The following HIGD1A variants were observed in gnomAD, a reference collection of about 807,000 sequenced individuals.
The protein encoded by HIGD1A is HIG1 domain family member 1A, mitochondrial.
HIGD1A carries 8 observed loss-of-function variants against 11.3 expected under a neutral mutation model. The ratio of observed to expected loss-of-function variants is 0.71; its 90% CI spans 0.42 to 1.28. The LOEUF (loss-of-function observed/expected upper bound fraction) is 1.28. Among genes scored for constraint, HIGD1A ranks in the 50% most tolerant of loss-of-function variants. The pLI, the probability that HIGD1A is intolerant of heterozygous loss-of-function variation, is 0.01. For synonymous variants in HIGD1A, 32 were observed against 38.4 expected, an observed-to-expected ratio of 0.83 and a Z score of 0.62; for missense variants, 107 against 118.8, an observed-to-expected ratio of 0.90 and a Z score of 0.46.
At chr3:42,800,411 T>C (rs757214162) in intron 1 of HIGD1A, among the ~76,000 whole-genome samples, 1 of 151,968 alleles carries the variant, frequency 6.6e-6, no homozygotes, top group South Asian at 2.1e-4. Context: ...CACAAATCCT[T>C]TCATTTCCCT....
At position 42,794,202 on chromosome 3, in the gene HIGD1A, A is replaced by G. The variant is rs770972566; in HGVS notation, c.52T>C (p.Ser18Pro). Residue 18 changes from serine (S) to proline (P), a missense_variant, in exon 2 of 4, where the codon TCA becomes CCA. Ser to Pro is a moderately conservative substitution (Grantham distance 74, BLOSUM62 -1). Transcript: ENST00000321331. ...SLPSYEEDQG[S>P]KLIRKAKEAP... is the part of the protein sequence containing the mutation. ...TCTTTAGCTTTTCGAATGAGTTTTG[A>G]TCCCTGATCTTCCTCATATGAAGGA... 6.2e-7 allele frequency: 1 copy of G among 1,605,716 alleles called. No homozygotes were observed. Among genetic ancestry groups the G allele is most frequent in the South Asian group, 1.1e-5 (1 of 88,806 alleles).
chr3:42,789,560 C>T (rs1700394531), intron 2 of HIGD1A, among the ~76,000 whole-genome samples: 1 of 41,034 alleles, frequency 2.4e-5, no homozygotes, highest in Non-Finnish European at 5.5e-5. Context: ...GGAAGAACAT[C>T]CAAGAACAAA....
chr3:42,787,594 A>AAAAAAAATATATAT (rs1383516264), intron 2 of HIGD1A, among the ~76,000 whole-genome samples: 1 of 141,256 alleles, frequency 7.1e-6, no homozygotes, highest in Admixed American at 7.5e-5. Flanking sequence ...CCATCTCAAA[A>AAAAAAAATATATAT]ATATATATAT....
At chr3:42,803,970 T>C (rs1469439234) in intron 1 of HIGD1A, among the ~76,000 whole-genome samples, 1 of 152,216 alleles carries the variant, frequency 6.6e-6, no homozygotes, top group Non-Finnish European at 1.5e-5. Flanking sequence ...CCTCTCTTCC[T>C]GTGACCTTGT....
At position 42,785,171 on chromosome 3, in the gene HIGD1A, A is replaced by T. The variant is rs1700334601; in HGVS notation, c.*100T>A. On this transcript the variant is annotated 3_prime_UTR_variant, in exon 4 of 4. Transcript: ENST00000321331. ...AAATGCCATGTTACCATCTAAACCC[A>T]TACAAATTAGTTTATTTCCAACAAT... 5 of 935,572 alleles carry T rather than the reference A, an allele frequency of 5.3e-6. No homozygotes were observed. The East Asian group carries it at 9.6e-5, about 18-fold the overall frequency. 58.0% of individuals were successfully genotyped at this position (935,572 alleles called of 1,614,324 possible). A position where few individuals can be genotyped will look rare whatever the true frequency, so the allele number is the denominator to read the frequency against.
intron 2 of HIGD1A, among the ~76,000 whole-genome samples, chr3:42,788,283 T>TA (rs1433667920): frequency 2.6e-5 from 4 of 152,224 alleles, no homozygotes; most frequent in African/African-American, 9.6e-5. Context: ...CTTTGCCAAT[T>TA]AAATTTGAAA....
At chr3:42,803,231 T>C (rs1308121513) in intron 1 of HIGD1A, among the ~76,000 whole-genome samples, 1 of 152,196 alleles carries the variant, frequency 6.6e-6, no homozygotes. Flanking sequence ...ACTGAAGACC[T>C]TTCCACAGGG....
chr3:42,793,526 G>A (rs1349044043), intron 2 of HIGD1A, among the ~76,000 whole-genome samples: 2 of 152,186 alleles, frequency 1.3e-5, no homozygotes, highest in African/African-American at 4.8e-5. Context: ...CATTCTATAT[G>A]TCTTTGTTGA....
At chr3:42,789,777 A>G (rs1700397826) in intron 2 of HIGD1A, among the ~76,000 whole-genome samples, 1 of 152,056 alleles carries the variant, frequency 6.6e-6, no homozygotes. Flanking sequence ...CCCAGGCTGT[A>G]GTGGCATGAT....
chr3:42,802,426 GAATAA>G (rs1010423558), intron 1 of HIGD1A, among the ~76,000 whole-genome samples: 181 of 152,204 alleles, frequency 1.2e-3, no homozygotes, highest in African/African-American at 4.1e-3. Flanking sequence ...GTACATTTCA[GAATAA>G]AATTAGTAAG....
intron 2 of HIGD1A, 134 bp from the exon 3 acceptor site, chr3:42,786,296 G>T: frequency 9.6e-7 from 1 of 1,039,410 alleles, no homozygotes; most frequent in Non-Finnish European, 1.4e-6. Flanking sequence ...TACAAATTGA[G>T]TTTTTCATGT....
intron 2 of HIGD1A, among the ~76,000 whole-genome samples, chr3:42,792,863 T>C (rs901309319): frequency 2.0e-5 from 3 of 151,412 alleles, no homozygotes; most frequent in African/African-American, 4.9e-5. Flanking sequence ...GCACCTATAA[T>C]TCTAGCTACT....
chr3:42,799,626 T>C (rs535640403), intron 1 of HIGD1A, among the ~76,000 whole-genome samples: 2,354 of 152,118 alleles, frequency 0.015, 26 homozygotes, highest in Non-Finnish European at 0.025. Context: ...TTTTTTTTTT[T>C]TGTATTTTTA....
At chr3:42,801,031 A>T (rs1700552803) in intron 1 of HIGD1A, among the ~76,000 whole-genome samples, 4 of 152,026 alleles carry the variant, frequency 2.6e-5, no homozygotes, top group Admixed American at 2.6e-4. Context: ...GAGGTTTTTT[A>T]CTACTGCTGA....
At chr3:42,800,563 TCCC>T (rs1190769986) in intron 1 of HIGD1A, among the ~76,000 whole-genome samples, 2 of 151,360 alleles carry the variant, frequency 1.3e-5, no homozygotes, top group Non-Finnish European at 2.9e-5. Flanking sequence ...AGCTAACTCC[TCCC>T]ATTTTTTTTT....
intron 1 of HIGD1A, 151 bp downstream of exon 1, chr3:42,804,285 C>T (rs1191076165): frequency 1.6e-6 from 2 of 1,255,956 alleles, no homozygotes; most frequent in Non-Finnish European, 2.2e-6. Flanking sequence ...GGGCCTGAGC[C>T]CCGGCAACTC....
intron 2 of HIGD1A, among the ~76,000 whole-genome samples, 179 bp from the exon 3 acceptor site, chr3:42,786,341 C>A (rs1251855569): frequency 6.6e-6 from 1 of 152,074 alleles, no homozygotes; most frequent in Non-Finnish European, 1.5e-5. Flanking sequence ...TTTAAGCAAA[C>A]AACAACAGAT....
chr3:42,802,855 C>T (rs1431499840), intron 1 of HIGD1A, among the ~76,000 whole-genome samples: 1 of 152,132 alleles, frequency 6.6e-6, no homozygotes, highest in African/African-American at 2.4e-5. Flanking sequence ...ATCAATCTTA[C>T]GCTGCTGATG....
chr3:42,788,543 T>C lies in HIGD1A; in HGVS notation c.98-2381A>G, dbSNP rs190662706. Reference sequence around the variant, plus strand: ...AACATAGCAATACATTTTTTTCCAATATATTTTCCAAGAAAACAAATCCCT... The same window carrying C: ...AACATAGCAATACATTTTTTTCCAACATATTTTCCAAGAAAACAAATCCCT... On this transcript the variant is annotated intron_variant, in intron 2 of 3. Transcript: ENST00000321331. Among the ~76,000 whole-genome samples the C allele has an allele frequency of 2.6e-5, 4 of 152,248 alleles. No homozygotes were observed. In the East Asian group the frequency reaches 7.7e-4, roughly 29 times the overall value.
Sources: allele counts gnomAD v4.1 joint callset (sites outside exome capture counted in the v4.1 genomes callset), GRCh38; gene constraint gnomAD v4.1.1; transcripts MANE v1.5; gene names NCBI Gene and HGNC (gene_info 2026-07-23, HGNC 2026-07-21).